RNH1: variants seen among roughly 807,000 people sequenced by gnomAD.
RNH1 encodes ribonuclease/angiogenin inhibitor 1, also known as ribonuclease inhibitor.
Under a neutral mutation model 46.1 loss-of-function variants are expected in RNH1, and 38 were observed. The ratio of observed to expected loss-of-function variants is 0.82; its 90% CI spans 0.64 to 1.08. RNH1 has a LOEUF of 1.08. RNH1 is among the 50% of genes least tolerant of loss of function. The pLI, the probability that RNH1 is intolerant of heterozygous loss-of-function variation, is 0.00. For synonymous variants in RNH1, 319 were observed against 279.1 expected (o/e 1.14, Z -1.43); for missense variants, 577 against 590.7 (o/e 0.98, Z 0.24).
intron 2 of RNH1, among the ~76,000 whole-genome samples, chr11:503,945 T>C (rs756112793): frequency 6.6e-6 from 1 of 152,156 alleles, no homozygotes; most frequent in Non-Finnish European, 1.5e-5. Flanking sequence ...TCTCTGTGAC[T>C]GGAGAAGTCC....
Position 501,127 on chromosome 11 carries a change from A to C in RNH1, c.102-473T>G. On this transcript the variant is annotated intron_variant, in intron 3 of 10. Transcript: ENST00000354420. The surrounding 1 kb of genome is among the most constrained non-coding windows in gnomAD (Gnocchi z 4.1). ...ACAGAGCAATGCCCTGTCTCTAAAA[A>C]TAAAAAGAATTTAAAGTATCTCTCG... The C allele has an allele frequency of 3.4e-6, 1 of 296,234 alleles. No individual in the cohort carries two copies. The highest frequency in any genetic ancestry group is 9.0e-5 in the East Asian group (1 of 11,096). 18.4% of individuals were successfully genotyped at this position (296,234 alleles called of 1,614,324 possible).
Position 501,064 on chromosome 11 carries a change from G to GGAGGCTC in RNH1, c.102-411_102-410insGAGCCTC. ...GATCACTTGAGCCCAGGAGGTTGAG[G>GGAGGCTC]CCGCATAAGCCATGAGGGAGCCACT... On this transcript the variant is annotated intron_variant, in intron 3 of 10. Transcript: ENST00000354420. The surrounding 1 kb of genome is among the most constrained non-coding windows in gnomAD (Gnocchi z 4.1). The GGAGGCTC allele has an allele frequency of 2.8e-6, 1 of 353,362 alleles. No individual in the cohort carries two copies. The highest frequency in any genetic ancestry group is 5.6e-6 in the Non-Finnish European group (1 of 180,010). 21.9% of individuals were successfully genotyped at this position (353,362 alleles called of 1,614,324 possible).
rs146384142 is a variant in RNH1 at position 498,581 on chromosome 11, G to A, written c.832C>T (p.Arg278Cys). Residue 278 changes from arginine (R) to cysteine (C), a missense_variant, in exon 8 of 11, where the codon CGT becomes TGT. By Grantham distance (180) the Arg-to-Cys change is radical. Coordinates refer to ENST00000354420, the MANE Select transcript of RNH1 (RefSeq NM_203387.3). ...ITAKGCGDLC[R>C]VLRAKESLKE... is the part of the protein sequence containing the mutation. ...AGGCTCTCCTTGGCCCTGAGGACACGGCACAGATCCCCGCAGCCCTTGGCA... is the reference window on the plus strand; with the variant it reads ...AGGCTCTCCTTGGCCCTGAGGACACAGCACAGATCCCCGCAGCCCTTGGCA... 7.4e-5 allele frequency: 119 copies of A among 1,612,826 alleles called. No homozygotes were observed. Among genetic ancestry groups the A allele is most frequent in the South Asian group, 4.7e-4 (43 of 91,084 alleles).
At position 500,652 on chromosome 11, in the gene RNH1, A is replaced by C. The variant is rs1160126290; in HGVS notation, c.104T>G (p.Leu35Arg). 1.2e-6 allele frequency: 2 copies of C among 1,604,380 alleles called. No individual in the cohort carries two copies. Among genetic ancestry groups the C allele is most frequent in the East Asian group, 2.2e-5 (1 of 44,878 alleles). Reference protein sequence around the residue: ...PLLQQCQVVRLDDCGLTEARC... With the variant: ...PLLQQCQVVRRDDCGLTEARC... ...TGCTTCCGTGAGGCCACAGTCGTCC[A>C]GCCTGTGAGCAGACCCCAGGGTCAT... Residue 35 changes from leucine (L) to arginine (R), a missense_variant and splice_region_variant, in exon 4 of 11, where the codon CTG becomes CGG. Leu to Arg is a moderately radical substitution (Grantham distance 102). Transcript: ENST00000354420.
Position 499,855 on chromosome 11 carries a change from G to A in RNH1, c.417C>T (p.Asp139=), listed in dbSNP as rs560275252. ...GCAGCTTTTCCAGGCGGCACTGGGG[G>A]TCCAGGAGTCCTTCGCAGAGCAGCT... ...GLQLLCEGLL[D]PQCRLEKLQL... is the part of the protein sequence containing the mutation. Residue 139 remains aspartate, a synonymous_variant, in exon 5 of 11, where the codon GAC becomes GAT. Transcript: ENST00000354420. 102 of 1,611,428 alleles carry A rather than the reference G, an allele frequency of 6.3e-5. No homozygotes were observed. The highest frequency in any genetic ancestry group is 8.3e-5 in the Non-Finnish European group (98 of 1,178,962).
At chr11:495,365 G>A (rs75777028) in intron 9 of RNH1, among the ~76,000 whole-genome samples, 1,824 of 152,296 alleles carry the variant, frequency 0.012, 48 homozygotes, top group African/African-American at 0.042. Context: ...CCTCGACACC[G>A]TCTGGCTGCG....
chr11:495,326 C>T (rs1015902491), intron 9 of RNH1, among the ~76,000 whole-genome samples: 1 of 152,166 alleles, frequency 6.6e-6, no homozygotes, highest in African/African-American at 2.4e-5. Flanking sequence ...ATGTCGTCCA[C>T]CCAGAGAGCC....
Position 498,848 on chromosome 11 carries a change from G to A in RNH1, c.700C>T (p.Leu234=), listed in dbSNP as rs751066791. The A allele has an allele frequency of 6.2e-7, 1 of 1,611,498 alleles. No homozygotes were observed. The highest frequency in any genetic ancestry group is 8.5e-7 in the Non-Finnish European group (1 of 1,179,670). Residue 234 remains leucine, a synonymous_variant, in exon 7 of 11, where the codon CTG becomes TTG. Transcript: ENST00000354420. The part of the protein sequence containing the change: ...ASKASLRELA[L]GSNKLGDVGM... ...ACATCACCCAGCTTGTTGCTGCCCA[G>A]GGCCAGCTCCCGCAGCGAGGCCTTG... is the stretch of plus-strand genomic sequence containing the variant.
At chr11:497,882 AC>A in intron 9 of RNH1, 88 bp downstream of exon 9, 3 of 1,377,602 alleles carry the variant, frequency 2.2e-6, no homozygotes, top group Non-Finnish European at 3.0e-6. Flanking sequence ...ACTCGTGCTC[AC>A]ACAGATACTC....
Position 501,766 on chromosome 11 carries a change from T to A in RNH1, c.101+296A>T, listed in dbSNP as rs1849769849. On this transcript the variant is annotated intron_variant, in intron 3 of 10. Transcript: ENST00000354420. The surrounding 1 kb of genome is among the most constrained non-coding windows in gnomAD (Gnocchi z 4.1). ...GGACCCAAGCTGTGTCCTGCCCTCGTGTCTCCAAGGGAGGGAGAGGAGCTG... is the reference window on the plus strand; with the variant it reads ...GGACCCAAGCTGTGTCCTGCCCTCGAGTCTCCAAGGGAGGGAGAGGAGCTG... The A allele has an allele frequency of 3.9e-5, 17 of 438,350 alleles. No individual in the cohort carries two copies. The South Asian group carries it at 4.9e-4, about 13-fold the overall frequency. 27.2% of individuals were successfully genotyped at this position (438,350 alleles called of 1,614,324 possible).
intron 8 of RNH1, 57 bp from the exon 9 acceptor site, chr11:498,198 G>A (rs1193250050): frequency 8.4e-6 from 13 of 1,545,964 alleles, no homozygotes; most frequent in East Asian, 6.9e-5. Context: ...CCACAGCTGC[G>A]ACTGGCCCTT....
chr11:498,330 C>A, intron 8 of RNH1, 127 bp downstream of exon 8: 1 of 1,352,954 alleles, frequency 7.4e-7, no homozygotes, highest in Admixed American at 2.1e-5. Context: ...GCTCCCTGGC[C>A]TATGCATTCT....
rs528942434 is a variant in RNH1, at chr11:497,540, C to T, written c.1127+431G>A. Among the ~76,000 whole-genome samples, 179 of 135,876 alleles carry T rather than the reference C, an allele frequency of 1.3e-3. 2 individuals carry two copies. The highest frequency in any genetic ancestry group is 4.9e-3 in the African/African-American group (171 of 34,722). 89.1% of individuals were successfully genotyped at this position (135,876 alleles called of 152,430 possible). Reference sequence around the variant, plus strand: ...GCCCATGTGCTCACACACGGACCCTCGTGCTCACTCTCACGTGCTCACACA... The same window carrying T: ...GCCCATGTGCTCACACACGGACCCTTGTGCTCACTCTCACGTGCTCACACA... On this transcript the variant is annotated intron_variant, in intron 9 of 10. Transcript: ENST00000354420.
At position 502,450 on chromosome 11, in the gene RNH1, CCTGG is replaced by C. The variant is rs1849833643; in HGVS notation, c.-87-205_-87-202del. ...GGGTAATGCAGATGCCAGCCCATCT[CCTGG>C]CTATCACCACCCAGCCTCTGTGGGC... On this transcript the variant is annotated intron_variant, in intron 2 of 10. Transcript: ENST00000354420. This position sits in a 1 kb window ranked among gnomAD's most constrained non-coding sequence, Gnocchi z 5.8. 4.0e-6 allele frequency: 2 copies of C among 495,250 alleles called. No homozygotes were observed. Among genetic ancestry groups the C allele is most frequent in the Admixed American group, 3.3e-5 (1 of 29,980 alleles). The allele number at this position is 495,250 out of a possible 1,614,324, so 30.7% of individuals were successfully genotyped here. A position where few individuals can be genotyped will look rare whatever the true frequency, so the allele number is the denominator to read the frequency against.
chr11:495,987 A>G (rs1021351001), intron 9 of RNH1, among the ~76,000 whole-genome samples: 1 of 152,234 alleles, frequency 6.6e-6, no homozygotes, highest in African/African-American at 2.4e-5. Flanking sequence ...ATCTCCCAAA[A>G]ATAAAACAAA....
chr11:498,227 G>A, intron 8 of RNH1, 86 bp from the exon 9 acceptor site: 2 of 1,447,704 alleles, frequency 1.4e-6, no homozygotes, highest in Non-Finnish European at 1.9e-6. Flanking sequence ...GGCCCCACGT[G>A]GACCTGAGCA....
intron 1 of RNH1, chr11:506,580 C>G (rs1252284928): frequency 6.6e-6 from 1 of 152,276 alleles, no homozygotes; most frequent in Non-Finnish European, 1.5e-5. Context: ...ACCCTCCCTC[C>G]CCGACCTCGC....
Position 502,862 on chromosome 11 carries a change from C to A in RNH1, c.-87-613G>T, listed in dbSNP as rs1849885804. 1 of 152,680 alleles carries A rather than the reference C, an allele frequency of 6.5e-6. No homozygotes were observed. The highest frequency in any genetic ancestry group is 2.4e-5 in the African/African-American group (1 of 41,458). The allele number at this position is 152,680 out of a possible 1,614,324, so 9.5% of individuals were successfully genotyped here. ...CACACTAGCCCAGAGGCTGGGCTAC[C>A]AGGCAAGCTGGGTGGGTCAGCCTGG... On this transcript the variant is annotated intron_variant, in intron 2 of 10. Coordinates refer to ENST00000354420, the MANE Select transcript of RNH1 (RefSeq NM_203387.3). This position sits in a 1 kb window ranked among gnomAD's most constrained non-coding sequence, Gnocchi z 5.8.
chr11:501,815 T>A lies in RNH1; in HGVS notation c.101+247A>T. 1.9e-6 allele frequency: 1 copy of A among 538,982 alleles called. No homozygotes were observed. Among genetic ancestry groups the A allele is most frequent in the Non-Finnish European group, 3.4e-6 (1 of 298,380 alleles). The allele number at this position is 538,982 out of a possible 1,614,324, so 33.4% of individuals were successfully genotyped here. ...TGAGACACCGGAGCCAGAGACCCAC[T>A]GGCCAGTGGCCGCCCACCTCGGCCC... On this transcript the variant is annotated intron_variant, in intron 3 of 10. Coordinates refer to ENST00000354420, the MANE Select transcript of RNH1 (RefSeq NM_203387.3). This position sits in a 1 kb window ranked among gnomAD's most constrained non-coding sequence, Gnocchi z 4.1.
Sources: gnomAD v4.1 joint callset for allele counts (sites outside exome capture counted in the v4.1 genomes callset) on GRCh38, gnomAD v4.1.1 for gene constraint, Gnocchi (gnomAD v3.1) non-coding constraint, MANE v1.5 for transcripts, NCBI Gene and HGNC (gene_info 2026-07-23, HGNC 2026-07-21) for gene names.